AKAIN1: variants seen among roughly 807,000 people sequenced by gnomAD.
AKAIN1 encodes A-kinase anchor inhibitor 1.
AKAIN1 carries 3 observed loss-of-function variants against 3.7 expected under a neutral mutation model. That is an observed-to-expected ratio of 0.82 (90% confidence interval 0.37 to 2.12). The LOEUF (loss-of-function observed/expected upper bound fraction) is 2.12, where lower values mean the gene tolerates loss of function less well. Among genes scored for constraint, AKAIN1 ranks in the 30% most tolerant of loss-of-function variants. The pLI is 0.06. For synonymous variants in AKAIN1, 31 were observed against 30.8 expected (o/e 1.01, Z -0.02); for missense variants, 82 against 82.7 (o/e 0.99, Z 0.03).
chr18:5,193,641 C>G (rs1354953904), intron 1 of AKAIN1, among the ~76,000 whole-genome samples: 1 of 152,136 alleles, frequency 6.6e-6, no homozygotes, highest in Non-Finnish European at 1.5e-5. Context: ...AAGAAATATC[C>G]TGACATTCTC....
chr18:5,173,563 T>G (rs2071209552), intron 1 of AKAIN1, among the ~76,000 whole-genome samples: 1 of 152,172 alleles, frequency 6.6e-6, no homozygotes, highest in Non-Finnish European at 1.5e-5. Context: ...GTTCTGTGCC[T>G]AAACTCATTC....
intron 1 of AKAIN1, among the ~76,000 whole-genome samples, chr18:5,164,726 A>T (rs780879665): frequency 2.0e-5 from 3 of 152,054 alleles, no homozygotes; most frequent in Admixed American, 6.6e-5. Context: ...GAAAATATTT[A>T]CAGTACTTGC....
chr18:5,167,832 G>A (rs375504685), intron 1 of AKAIN1, among the ~76,000 whole-genome samples: 36 of 152,096 alleles, frequency 2.4e-4, no homozygotes, highest in African/African-American at 7.7e-4. Flanking sequence ...TAAAATCAGT[G>A]CTGCCTTTGC....
At chr18:5,195,771 A>T (rs2071343842) in intron 1 of AKAIN1, among the ~76,000 whole-genome samples, 2 of 152,176 alleles carry the variant, frequency 1.3e-5, no homozygotes, top group Admixed American at 6.5e-5. Flanking sequence ...TCCTTGCTCC[A>T]GTGTTGATTG....
intron 1 of AKAIN1, among the ~76,000 whole-genome samples, chr18:5,186,360 C>A (rs1245001243): frequency 6.6e-6 from 1 of 151,964 alleles, no homozygotes; most frequent in Non-Finnish European, 1.5e-5. Context: ...AACATGTACT[C>A]CTGAACTGAA....
chr18:5,145,596 A>T lies in AKAIN1; in HGVS notation c.176T>A (p.Val59Asp), dbSNP rs935689481. 18 of 1,551,426 alleles carry T rather than the reference A, an allele frequency of 1.2e-5. No homozygotes were observed. Among genetic ancestry groups the T allele is most frequent in the Admixed American group, 7.8e-5 (4 of 50,974 alleles). Residue 59 changes from valine to aspartate, a missense_variant, in exon 2 of 2, where the codon GTT becomes GAT. Physicochemically the swap from Val to Asp is radical, Grantham distance 152 (BLOSUM62 -3). Transcript: ENST00000434239. ...TTCGTGCTTCTTGGTTAACTCCCCAACGCCCAGTTGGATGTGGTCCCGGTT... is the reference window on the plus strand; with the variant it reads ...TTCGTGCTTCTTGGTTAACTCCCCATCGCCCAGTTGGATGTGGTCCCGGTT... ...SDNRDHIQLG[V>D]GELTKKHEKK
intron 1 of AKAIN1, among the ~76,000 whole-genome samples, chr18:5,169,671 T>C: frequency 6.6e-6 from 1 of 152,206 alleles, no homozygotes; most frequent in East Asian, 1.9e-4. Flanking sequence ...GAGGTCTCTC[T>C]TAGTTTATCT....
At chr18:5,153,860 T>C (rs772029109) in intron 1 of AKAIN1, among the ~76,000 whole-genome samples, 4 of 151,074 alleles carry the variant, frequency 2.6e-5, no homozygotes, top group Non-Finnish European at 4.4e-5. Context: ...AATGAACCAC[T>C]CTGTGGGGGA....
chr18:5,179,067 G>A (rs2071242429), intron 1 of AKAIN1, among the ~76,000 whole-genome samples: 1 of 152,048 alleles, frequency 6.6e-6, no homozygotes, highest in African/African-American at 2.4e-5. Context: ...TTTTAAAATC[G>A]ACTAAGGAGA....
intron 1 of AKAIN1, among the ~76,000 whole-genome samples, chr18:5,185,661 C>T (rs1364896200): frequency 6.6e-6 from 1 of 151,984 alleles, no homozygotes; most frequent in East Asian, 1.9e-4. Context: ...CCACAACAAT[C>T]AGAGTGACTA....
At chr18:5,168,219 G>A (rs187022584) in intron 1 of AKAIN1, among the ~76,000 whole-genome samples, 72 of 152,192 alleles carry the variant, frequency 4.7e-4, no homozygotes, top group Non-Finnish European at 8.2e-4. Flanking sequence ...GTAAAGAGAC[G>A]AGGCTAACTT....
At chr18:5,159,724 T>C (rs1261800314) in intron 1 of AKAIN1, among the ~76,000 whole-genome samples, 1 of 152,180 alleles carries the variant, frequency 6.6e-6, no homozygotes, top group Non-Finnish European at 1.5e-5. Flanking sequence ...CACAAACTCT[T>C]CTAACATAAT....
rs185196504 is a variant in AKAIN1, at chr18:5,165,691, G to A, written c.17-19936C>T. On this transcript the variant is annotated intron_variant, in intron 1 of 1. Transcript: ENST00000434239. ...ACAAATTGGTGTCTAAAAATAAAAG[G>A]AAGGCATGATATCAGGATAGCAGGT... Among the ~76,000 whole-genome samples, 227 of 152,072 alleles carry A rather than the reference G, an allele frequency of 1.5e-3. No homozygotes were observed. The Middle Eastern group carries it at 0.017, about 11-fold the overall frequency.
At chr18:5,165,529 A>C (rs372128640) in intron 1 of AKAIN1, among the ~76,000 whole-genome samples, 2 of 152,056 alleles carry the variant, frequency 1.3e-5, no homozygotes, top group African/African-American at 4.8e-5. Flanking sequence ...GGGAGTTTTC[A>C]AAGCAAATGC....
intron 1 of AKAIN1, among the ~76,000 whole-genome samples, chr18:5,161,614 GA>G (rs1193824285): frequency 2.0e-5 from 3 of 152,030 alleles, no homozygotes; most frequent in Non-Finnish European, 2.9e-5. Context: ...AATCTCAGAG[GA>G]AAAGATTTTG....
At chr18:5,154,592 T>A (rs1252383206) in intron 1 of AKAIN1, among the ~76,000 whole-genome samples, 2 of 151,992 alleles carry the variant, frequency 1.3e-5, no homozygotes, top group African/African-American at 4.8e-5. Flanking sequence ...CCAGACCCCT[T>A]CTTGGCCAAG....
At position 5,182,633 on chromosome 18, in the gene AKAIN1, GAGA is replaced by G. The variant is rs372215451; in HGVS notation, c.16+14402_16+14404del. ...CTGAAATACTCTTATCAGTTTTATA[GAGA>G]AGGAGAGACTATAACTAGTCCAATT... is the stretch of plus-strand genomic sequence containing the variant. On this transcript the variant is annotated intron_variant, in intron 1 of 1. Transcript: ENST00000434239. Among the ~76,000 whole-genome samples, 435 of 152,212 alleles carry G rather than the reference GAGA, an allele frequency of 2.9e-3. 1 individual carries two copies. The highest frequency in any genetic ancestry group is 0.01 in the Middle Eastern group (3 of 294).
chr18:5,145,634 C>G lies in AKAIN1; in HGVS notation c.138G>C (p.Glu46Asp), dbSNP rs2071044501. ...QVSQESQRRE[E>D]RISDNRDHIQ... Reference sequence around the variant, plus strand: ...TGTGGTCCCGGTTGTCACTGATTCTCTCTTCTCTGCGCTGACTCTCCTGGG... The same window carrying G: ...TGTGGTCCCGGTTGTCACTGATTCTGTCTTCTCTGCGCTGACTCTCCTGGG... The change falls in exon 2 of 2, where the codon GAG (glutamate) becomes GAC (aspartate). Residue 46 changes from glutamate to aspartate, a missense_variant. Coordinates refer to ENST00000434239, the MANE Select transcript of AKAIN1 (RefSeq NM_001145194.2). 2 of 1,551,716 alleles carry G rather than the reference C, an allele frequency of 1.3e-6. No homozygotes were observed. The highest frequency in any genetic ancestry group is 8.7e-7 in the Non-Finnish European group (1 of 1,146,972).
intron 1 of AKAIN1, among the ~76,000 whole-genome samples, chr18:5,157,758 C>T (rs2071116461): frequency 6.6e-6 from 1 of 152,086 alleles, no homozygotes; most frequent in African/African-American, 2.4e-5. Flanking sequence ...GGCTGGAGTG[C>T]AGTGGCATGA....
Sources: allele counts gnomAD v4.1 joint callset (sites outside exome capture counted in the v4.1 genomes callset), GRCh38; gene constraint gnomAD v4.1.1; transcripts MANE v1.5; gene names NCBI Gene and HGNC (gene_info 2026-07-23, HGNC 2026-07-21).